Variants in NHEJ1 observed in about 807,000 individuals in gnomAD.
The protein encoded by NHEJ1 is non-homologous end-joining factor 1.
NHEJ1 carries 22 observed loss-of-function variants against 39.4 expected under a neutral mutation model. The ratio of observed to expected loss-of-function variants is 0.56; its 90% CI spans 0.40 to 0.80. The LOEUF is 0.80. Among genes scored for constraint, NHEJ1 ranks in the 30% least tolerant of loss-of-function variants. The probability of loss-of-function intolerance (pLI) is 0.00; values close to 1 mark genes in which losing one functional copy is unlikely to be tolerated. For missense variants in NHEJ1, 329 were observed against 357.1 expected (o/e 0.92, Z 0.63); for synonymous variants, 154 against 135.6 (o/e 1.14, Z -0.94).
At chr2:219,133,995 C>T (rs76257863) in intron 5 of NHEJ1, among the ~76,000 whole-genome samples, 2,839 of 152,326 alleles carry the variant, frequency 0.019, 79 homozygotes, top group African/African-American at 0.064. Flanking sequence ...CATCTTATTT[C>T]GTTTAAACTA....
At chr2:219,082,020 A>G (rs1245155120) in intron 5 of NHEJ1, among the ~76,000 whole-genome samples, 1 of 152,176 alleles carries the variant, frequency 6.6e-6, no homozygotes, top group African/African-American at 2.4e-5. Context: ...GGCTTTCTCT[A>G]CTCTACAACT....
In NHEJ1 at chr2:219,153,702, G is replaced by GT. The variant is rs1188581028; in HGVS notation, c.390+3769_390+3770insA. Among the ~76,000 whole-genome samples the GT allele has an allele frequency of 2.4e-4, 31 of 129,568 alleles. 2 individuals are homozygous for GT. Among genetic ancestry groups the GT allele is most frequent in the South Asian group, 8.6e-4 (3 of 3,488 alleles). The allele number at this position is 129,568 out of a possible 152,430, so 85.0% of individuals were successfully genotyped here. A position where few individuals can be genotyped will look rare whatever the true frequency, so the allele number is the denominator to read the frequency against. Reference sequence around the variant, plus strand: ...AGAAAAAGAAAGAAAAGGGGGGGGGGGTGGAGAGAGAGAGAGAGAGCAAGC... The same window carrying GT: ...AGAAAAAGAAAGAAAAGGGGGGGGGGTGTGGAGAGAGAGAGAGAGAGCAAGC... On this transcript the variant is annotated intron_variant, in intron 3 of 7. Transcript: ENST00000356853.
At chr2:219,102,746 G>C (rs1949275164) in intron 5 of NHEJ1, 1 of 152,508 alleles carries the variant, frequency 6.6e-6, no homozygotes, top group South Asian at 2.1e-4. Context: ...GCTCATGCCT[G>C]TAATCCCAGC....
intron 5 of NHEJ1, among the ~76,000 whole-genome samples, chr2:219,117,572 G>A (rs935618407): frequency 5.3e-5 from 8 of 152,242 alleles, no homozygotes; most frequent in Non-Finnish European, 1.2e-4. Context: ...AGAGAACCAT[G>A]TGGAAATGTG....
Position 219,157,991 on chromosome 2 carries a change from T to A in NHEJ1, c.177+195A>T, listed in dbSNP as rs11689733. Among the ~76,000 whole-genome samples, 135 of 99,264 alleles carry A rather than the reference T, an allele frequency of 1.4e-3. 5 individuals carry two copies. The South Asian group carries it at 0.037, about 27-fold the overall frequency. The allele number at this position is 99,264 out of a possible 152,430, so 65.1% of individuals were successfully genotyped here. A position where few individuals can be genotyped will look rare whatever the true frequency, so the allele number is the denominator to read the frequency against. On this transcript the variant is annotated intron_variant, in intron 2 of 7. Transcript: ENST00000356853. ...CTTTCTTTCTCTCTCTCTCTCTCTC[T>A]CACACACACACACACACACACACAC...
rs767805267 is a variant in NHEJ1 at position 219,072,090 on chromosome 2, A to G, written c.*4291T>C. 4.6e-5 allele frequency among the ~76,000 whole-genome samples: 7 copies of G among 152,220 alleles called. No individual in the cohort carries two copies. The highest frequency in any genetic ancestry group is 5.9e-5 in the Non-Finnish European group (4 of 68,032). On this transcript the variant is annotated 3_prime_UTR_variant, in exon 8 of 8. Coordinates refer to ENST00000356853, the MANE Select transcript of NHEJ1 (RefSeq NM_024782.3). ...ATGTTCAAATAGAGAAGGATTCCCT[A>G]TGGTCCCTCTTCCTCACATAAGACA...
At chr2:219,158,673 T>C (rs770254077) in intron 1 of NHEJ1, 25 of 405,960 alleles carry the variant, frequency 6.2e-5, no homozygotes, top group Non-Finnish European at 1.1e-4. Context: ...TTTCTAATAC[T>C]ATAACATAAC....
intron 5 of NHEJ1, among the ~76,000 whole-genome samples, chr2:219,086,176 T>C (rs76044028): frequency 0.019 from 2,951 of 152,356 alleles, 98 homozygotes; most frequent in African/African-American, 0.066. Context: ...TCAGTTGGGC[T>C]CTAAAATCAT....
chr2:219,075,407 A>G lies in NHEJ1; in HGVS notation c.*974T>C, dbSNP rs1366165653. Reference sequence around the variant, plus strand: ...CATCAGGACAGAAACGCCAGTATATATACAGGATATTTGAATAAGGAGGCA... The same window carrying G: ...CATCAGGACAGAAACGCCAGTATATGTACAGGATATTTGAATAAGGAGGCA... On this transcript the variant is annotated 3_prime_UTR_variant, in exon 8 of 8. Coordinates refer to ENST00000356853, the MANE Select transcript of NHEJ1 (RefSeq NM_024782.3). 1 of 152,198 alleles carries G rather than the reference A, an allele frequency of 6.6e-6. No individual in the cohort carries two copies. Among genetic ancestry groups the G allele is most frequent in the Non-Finnish European group, 1.5e-5 (1 of 68,028 alleles). The allele number at this position is 152,198 out of a possible 1,614,324, so 9.4% of individuals were successfully genotyped here. A position where few individuals can be genotyped will look rare whatever the true frequency, so the allele number is the denominator to read the frequency against.
intron 5 of NHEJ1, among the ~76,000 whole-genome samples, chr2:219,118,889 G>A (rs1949443226): frequency 6.6e-6 from 1 of 152,192 alleles, no homozygotes; most frequent in Non-Finnish European, 1.5e-5. Context: ...ATGGCGGCTG[G>A]TGGGAGCTGG....
chr2:219,109,733 C>T (rs971264503), intron 5 of NHEJ1, among the ~76,000 whole-genome samples: 3 of 152,126 alleles, frequency 2.0e-5, no homozygotes, highest in Non-Finnish European at 4.4e-5. Flanking sequence ...GAGAGAAAAA[C>T]ATCAAATCTC....
intron 1 of NHEJ1, among the ~76,000 whole-genome samples, chr2:219,159,543 A>C (rs1299719168): frequency 6.9e-5 from 1 of 14,572 alleles, no homozygotes; most frequent in Non-Finnish European, 3.2e-4. Context: ...ATATGCATAT[A>C]TATATATGCA....
intron 5 of NHEJ1, among the ~76,000 whole-genome samples, chr2:219,136,485 C>T (rs974692046): frequency 5.9e-5 from 9 of 152,040 alleles, no homozygotes; most frequent in South Asian, 2.1e-4. Context: ...GATGGAGTTT[C>T]GCCATGTTAG....
chr2:219,084,343 C>T (rs566198556), intron 5 of NHEJ1, among the ~76,000 whole-genome samples: 19 of 152,202 alleles, frequency 1.2e-4, no homozygotes, highest in East Asian at 7.7e-4. Context: ...TATTGGGATG[C>T]GACCCCATCA....
In NHEJ1 at chr2:219,078,194, C is replaced by T. The variant is rs1949032063; in HGVS notation, c.601G>A (p.Ala201Thr). ...EQFMIEKLPE[A>T]CSIGDGKPFV... ...GGCTTTCCATCACCAATGCTGCATG[C>T]CTCTGGCAGTTTCTGTAAGAGAGAG... The change falls in exon 6 of 8, where the codon GCA (alanine) becomes ACA (threonine). Residue 201 changes from alanine (A) to threonine (T), a missense_variant. Physicochemically the swap from Ala to Thr is moderately conservative, Grantham distance 58 (BLOSUM62 0). Transcript: ENST00000356853. 6.2e-7 allele frequency: 1 copy of T among 1,614,002 alleles called. No individual in the cohort carries two copies. The highest frequency in any genetic ancestry group is 8.5e-7 in the Non-Finnish European group (1 of 1,179,902).
chr2:219,147,237 T>C (rs1949749462), intron 4 of NHEJ1, among the ~76,000 whole-genome samples: 1 of 152,188 alleles, frequency 6.6e-6, no homozygotes, highest in Admixed American at 6.5e-5. Flanking sequence ...CCCAGCACTT[T>C]GGGAGGCCAA....
chr2:219,147,649 C>G lies in NHEJ1; in HGVS notation c.529+8G>C, dbSNP rs376407655. ...CCCCACCCAACTCCTCCAAGAATGT[C>G]CTCTTACCTCGAATCAGCGTAGCCC... On this transcript the variant is annotated splice_region_variant and intron_variant, in intron 4 of 7. Coordinates refer to ENST00000356853, the MANE Select transcript of NHEJ1 (RefSeq NM_024782.3). 1.9e-5 allele frequency: 30 copies of G among 1,614,026 alleles called. No individual in the cohort carries two copies. Among genetic ancestry groups the G allele is most frequent in the Non-Finnish European group, 2.5e-5 (29 of 1,180,014 alleles).
At chr2:219,142,311 C>A (rs2106358699) in intron 5 of NHEJ1, among the ~76,000 whole-genome samples, 1 of 152,324 alleles carries the variant, frequency 6.6e-6, no homozygotes, top group East Asian at 1.9e-4. Flanking sequence ...AAGCAACTGC[C>A]CAGGTTTTGG....
chr2:219,125,961 C>CCCA (rs1949510801), intron 5 of NHEJ1, among the ~76,000 whole-genome samples: 2 of 152,174 alleles, frequency 1.3e-5, no homozygotes, highest in African/African-American at 4.8e-5. Context: ...TGAGGGTAGC[C>CCCA]CCAAGGAAAA....
Sources: allele counts gnomAD v4.1 joint callset (sites outside exome capture counted in the v4.1 genomes callset), GRCh38; gene constraint gnomAD v4.1.1; transcripts MANE v1.5; gene names NCBI Gene and HGNC (gene_info 2026-07-23, HGNC 2026-07-21).